Variants in ZBTB20 observed in about 807,000 individuals in gnomAD.
ZBTB20 encodes the protein zinc finger and BTB domain-containing protein 20.
ZBTB20 carries 9 observed loss-of-function variants against 56.9 expected under a neutral mutation model. The observed-to-expected ratio is 0.16, with a 90% CI of 0.10 to 0.28. ZBTB20 has a LOEUF of 0.28. Among genes scored for constraint, ZBTB20 ranks in the 10% least tolerant of loss-of-function variants. The pLI is 1.00. For missense variants in ZBTB20, 655 were observed against 1,003.0 expected, an observed-to-expected ratio of 0.65 and a Z score of 4.69; for synonymous variants, 417 against 420.7, an observed-to-expected ratio of 0.99 and a Z score of 0.11.
At chr3:114,950,994 T>C (rs919757813) in intron 3 of ZBTB20, among the ~76,000 whole-genome samples, 2 of 152,066 alleles carry the variant, frequency 1.3e-5, no homozygotes, top group African/African-American at 4.8e-5. Context: ...AATAAACTAA[T>C]ATTAGAAGTC....
chr3:114,734,968 C>T (rs924138656), intron 5 of ZBTB20, among the ~76,000 whole-genome samples: 7 of 151,716 alleles, frequency 4.6e-5, no homozygotes, highest in Non-Finnish European at 8.8e-5. Flanking sequence ...AAAACTTATG[C>T]AGATATGGGG....
intron 5 of ZBTB20, among the ~76,000 whole-genome samples, chr3:114,778,524 C>A (rs1016441085): frequency 6.6e-6 from 1 of 152,054 alleles, no homozygotes; most frequent in African/African-American, 2.4e-5. Context: ...CTCTATGATT[C>A]TTCTTAGCTA....
Position 114,351,709 on chromosome 3 carries a change from T to C in ZBTB20, c.369A>G (p.Ala123=), listed in dbSNP as rs2080687667. ...SMLRAHRCVL[A]AGSPFFQDKL... ...TGTCCTGGAAGAAGGGGCTGCCGGC[T>C]GCCAGCACGCAGCGGTGTGCGCGCA... The change falls in exon 11 of 12, where the codon GCA becomes GCG. Residue 123 remains alanine, a synonymous_variant. Coordinates refer to ENST00000675478, the MANE Select transcript of ZBTB20 (RefSeq NM_001348800.3). The C allele has an allele frequency of 2.5e-6, 4 of 1,613,946 alleles. No homozygotes were observed. The highest frequency in any genetic ancestry group is 2.5e-6 in the Non-Finnish European group (3 of 1,180,036).
intron 1 of ZBTB20, among the ~76,000 whole-genome samples, chr3:115,099,250 A>G (rs2083490384): frequency 6.6e-6 from 1 of 152,196 alleles, no homozygotes; most frequent in Middle Eastern, 3.2e-3. Context: ...TGTTAAATGA[A>G]TACTTACAGT....
At chr3:114,460,300 C>G (rs945113807) in intron 7 of ZBTB20, among the ~76,000 whole-genome samples, 5 of 152,096 alleles carry the variant, frequency 3.3e-5, no homozygotes, top group African/African-American at 9.7e-5. Flanking sequence ...TGGCCCCCCC[C>G]AAAAGATATC....
chr3:115,075,972 T>C lies in ZBTB20; in HGVS notation c.-702-4558A>G, dbSNP rs984466850. On this transcript the variant is annotated intron_variant, in intron 1 of 11. Transcript: ENST00000675478. ...CAACAGACAAAATCAGCTGCATTTCTATATATTAACAAGGAACCATCTGAA... is the reference window on the plus strand; with the variant it reads ...CAACAGACAAAATCAGCTGCATTTCCATATATTAACAAGGAACCATCTGAA... Among the ~76,000 whole-genome samples the C allele has an allele frequency of 1.9e-4, 29 of 152,112 alleles. 1 individual carries two copies. Among genetic ancestry groups the C allele is most frequent in the Admixed American group, 1.8e-3 (27 of 15,278 alleles).
intron 6 of ZBTB20, among the ~76,000 whole-genome samples, chr3:114,507,501 AT>A: frequency 6.6e-6 from 1 of 152,292 alleles, no homozygotes; most frequent in Admixed American, 6.5e-5. Flanking sequence ...AATGATCAGC[AT>A]TTTTGTCCTA....
At position 115,068,880 on chromosome 3, in the gene ZBTB20, GA is replaced by G. The variant is rs1009497435; in HGVS notation, c.-507+2338del. Among the ~76,000 whole-genome samples the G allele has an allele frequency of 1.5e-3, 217 of 142,426 alleles. 1 individual carries two copies. Among genetic ancestry groups the G allele is most frequent in the Admixed American group, 3.8e-3 (54 of 14,288 alleles). 93.4% of individuals were successfully genotyped at this position (142,426 alleles called of 152,430 possible). On this transcript the variant is annotated intron_variant, in intron 2 of 11. Coordinates refer to ENST00000675478, the MANE Select transcript of ZBTB20 (RefSeq NM_001348800.3). ...GTAGATAGTATTGCATTGCTTGTTT[GA>G]AAAAAAAAAAAGTTGACAGTTTGAT...
At chr3:114,485,206 A>C (rs1272044649) in intron 7 of ZBTB20, among the ~76,000 whole-genome samples, 1 of 152,196 alleles carries the variant, frequency 6.6e-6, no homozygotes, top group Non-Finnish European at 1.5e-5. Context: ...TTTTTTTCTT[A>C]GACCAAGTTA....
chr3:114,890,097 C>T (rs2076749611), intron 4 of ZBTB20, among the ~76,000 whole-genome samples: 1 of 152,020 alleles, frequency 6.6e-6, no homozygotes, highest in Non-Finnish European at 1.5e-5. Flanking sequence ...ATTTCTAAAC[C>T]CTGTACTCTT....
At chr3:114,347,331 G>C (rs1357007846) in intron 11 of ZBTB20, among the ~76,000 whole-genome samples, 1 of 151,946 alleles carries the variant, frequency 6.6e-6, no homozygotes, top group Non-Finnish European at 1.5e-5. Flanking sequence ...GTAATGGAGA[G>C]AACTCAAATT....
intron 1 of ZBTB20, among the ~76,000 whole-genome samples, chr3:115,130,781 G>A (rs1263454524): frequency 1.3e-5 from 2 of 152,110 alleles, no homozygotes; most frequent in African/African-American, 4.8e-5. Context: ...TGTTTTTTGA[G>A]ATGGAGTTTC....
At chr3:114,952,914 A>T (rs899562908) in intron 3 of ZBTB20, among the ~76,000 whole-genome samples, 5 of 152,122 alleles carry the variant, frequency 3.3e-5, no homozygotes, top group African/African-American at 1.2e-4. Flanking sequence ...AACATTAGGA[A>T]TGAAGGAAGA....
chr3:114,849,275 G>T (rs956493121), intron 4 of ZBTB20, among the ~76,000 whole-genome samples: 4 of 152,020 alleles, frequency 2.6e-5, no homozygotes, highest in African/African-American at 9.7e-5. Flanking sequence ...TCTTTTAAGT[G>T]TAAGAACCTG....
At chr3:114,670,747 G>T (rs554808455) in intron 6 of ZBTB20, among the ~76,000 whole-genome samples, 42 of 152,162 alleles carry the variant, frequency 2.8e-4, no homozygotes, top group African/African-American at 1.0e-3. Flanking sequence ...TAAAATAACT[G>T]AAGAACAATA....
At chr3:114,889,851 GA>G (rs145322805) in intron 4 of ZBTB20, among the ~76,000 whole-genome samples, 2 of 151,544 alleles carry the variant, frequency 1.3e-5, no homozygotes, top group African/African-American at 2.4e-5. Flanking sequence ...ATAAGTGGTA[GA>G]AAAAAAAGGA....
intron 10 of ZBTB20, among the ~76,000 whole-genome samples, chr3:114,373,082 A>G (rs1208631569): frequency 6.6e-6 from 1 of 151,888 alleles, no homozygotes; most frequent in African/African-American, 2.4e-5. Flanking sequence ...ATGCCCAGCT[A>G]ATTTTTCTAT....
chr3:114,749,606 A>C (rs2067400750), intron 5 of ZBTB20, among the ~76,000 whole-genome samples: 1 of 151,846 alleles, frequency 6.6e-6, no homozygotes, highest in Admixed American at 6.6e-5. Context: ...GAAGGAAGGA[A>C]GGAAGGAAGG....
intron 5 of ZBTB20, chr3:114,759,240 A>G (rs2068260964): frequency 2.0e-5 from 3 of 152,088 alleles, no homozygotes; most frequent in Admixed American, 1.3e-4. Context: ...GGCCATTTTC[A>G]CAAATAATGC....
Sources: allele counts gnomAD v4.1 joint callset (sites outside exome capture counted in the v4.1 genomes callset), GRCh38; gene constraint gnomAD v4.1.1; transcripts MANE v1.5; gene names NCBI Gene and HGNC (gene_info 2026-07-23, HGNC 2026-07-21).